Variants in PRKCG observed in about 807,000 individuals in gnomAD.
PRKCG encodes protein kinase C gamma, also known as protein kinase C gamma type.
Under a neutral mutation model 82.0 loss-of-function variants are expected in PRKCG, and 28 were observed. That is an observed-to-expected ratio of 0.34 (90% confidence interval 0.25 to 0.47). The LOEUF (loss-of-function observed/expected upper bound fraction) is 0.47. Among genes scored for constraint, PRKCG ranks in the 20% least tolerant of loss-of-function variants. The pLI, the probability that PRKCG is intolerant of heterozygous loss-of-function variation, is 1.00. For synonymous variants in PRKCG, 383 were observed against 376.6 expected (o/e 1.02, Z -0.20); for missense variants, 640 against 952.7 (o/e 0.67, Z 4.32).
chr19:53,901,863 AAAAG>A (rs1042886463), intron 14 of PRKCG, among the ~76,000 whole-genome samples: 4 of 150,464 alleles, frequency 2.7e-5, no homozygotes, highest in African/African-American at 7.4e-5. Context: ...AAAAAAAAAA[AAAAG>A]AAAAAGAAAA....
rs2068806354 is a variant in PRKCG at position 53,906,084 on chromosome 19, C to CCTTCTTCTTCTTCCTCTTCTT, written c.1765-220_1765-219insCTCTTCTTCTTCTTCTTCTTC. On this transcript the variant is annotated intron_variant, in intron 16 of 17. Transcript: ENST00000263431. ...TCCTCCTCCTCCTCCTCCTCCTCCT[C>CCTTCTTCTTCTTCCTCTTCTT]CTTCTTCTTCTTCTTCTTCTTCTTC... is the stretch of plus-strand genomic sequence containing the variant. Among the ~76,000 whole-genome samples, 8 of 27,988 alleles carry CCTTCTTCTTCTTCCTCTTCTT rather than the reference C, an allele frequency of 2.9e-4. 1 individual carries two copies. The highest frequency in any genetic ancestry group is 1.8e-3 in the African/African-American group (5 of 2,724). The allele number at this position is 27,988 out of a possible 152,430, so 18.4% of individuals were successfully genotyped here.
Position 53,882,216 on chromosome 19 carries a change from A to C in PRKCG, c.-279A>C. On this transcript the variant is annotated 5_prime_UTR_variant, in exon 1 of 18. Transcript: ENST00000263431. This position sits in a 1 kb window ranked among gnomAD's most constrained non-coding sequence, Gnocchi z 6.1. ...GCTCCCACATTTCAGCAGGTGCCGG[A>C]GCTGGAGCTCCCACCGCCGCCGCCC... The C allele has an allele frequency of 2.1e-6, 1 of 484,756 alleles. No homozygotes were observed. The highest frequency in any genetic ancestry group is 1.9e-5 in the South Asian group (1 of 52,900). 30.0% of individuals were successfully genotyped at this position (484,756 alleles called of 1,614,324 possible). A position where few individuals can be genotyped will look rare whatever the true frequency, so the allele number is the denominator to read the frequency against.
At chr19:53,891,198 G>A (rs1453518171) in intron 5 of PRKCG, among the ~76,000 whole-genome samples, 1 of 152,136 alleles carries the variant, frequency 6.6e-6, no homozygotes, top group African/African-American at 2.4e-5. Context: ...GTCACTGGTT[G>A]CGGAAAGGGC....
chr19:53,882,402 C>A lies in PRKCG; in HGVS notation c.-93C>A. 6.5e-7 allele frequency: 1 copy of A among 1,532,226 alleles called. No individual in the cohort carries two copies. The highest frequency in any genetic ancestry group is 8.8e-7 in the Non-Finnish European group (1 of 1,132,898). 94.9% of individuals were successfully genotyped at this position (1,532,226 alleles called of 1,614,324 possible). On this transcript the variant is annotated 5_prime_UTR_variant, in exon 1 of 18. Transcript: ENST00000263431. The surrounding 1 kb of genome is among the most constrained non-coding windows in gnomAD (Gnocchi z 6.1). The stretch of plus-strand genomic sequence containing the variant: ...TGCCCACCTCGGAATTTCCCTGTGG[C>A]TCCTTTGATCCTTCGAGTCTCCAGC...
chr19:53,886,197 C>G (rs555084918), intron 3 of PRKCG, among the ~76,000 whole-genome samples: 227 of 151,742 alleles, frequency 1.5e-3, no homozygotes, highest in Non-Finnish European at 2.6e-3. Context: ...CTCTACCTCC[C>G]AGGTTCAAGC....
chr19:53,895,543 C>T (rs915584877), intron 9 of PRKCG, among the ~76,000 whole-genome samples: 3 of 143,540 alleles, frequency 2.1e-5, no homozygotes, highest in Admixed American at 6.8e-5. Flanking sequence ...ACAACAGCAA[C>T]AACATGTTAT....
intron 9 of PRKCG, among the ~76,000 whole-genome samples, chr19:53,896,045 G>A (rs960937792): frequency 3.3e-5 from 5 of 149,748 alleles, no homozygotes; most frequent in Non-Finnish European, 7.4e-5. Context: ...GGGTGACAGA[G>A]CGAGACTCTA....
chr19:53,904,984 G>A (rs1423211400), intron 16 of PRKCG, among the ~76,000 whole-genome samples: 1 of 152,178 alleles, frequency 6.6e-6, no homozygotes, highest in Non-Finnish European at 1.5e-5. Context: ...CCTGCTTGCA[G>A]GAAGTGCTGA....
chr19:53,907,136 T>G lies in PRKCG; in HGVS notation c.*241T>G. 7.8e-6 allele frequency: 7 copies of G among 892,198 alleles called. No homozygotes were observed. The highest frequency in any genetic ancestry group is 9.9e-6 in the Non-Finnish European group (6 of 604,790). The allele number at this position is 892,198 out of a possible 1,614,324, so 55.3% of individuals were successfully genotyped here. A position where few individuals can be genotyped will look rare whatever the true frequency, so the allele number is the denominator to read the frequency against. On this transcript the variant is annotated 3_prime_UTR_variant, in exon 18 of 18. Transcript: ENST00000263431. The stretch of plus-strand genomic sequence containing the variant: ...CGGAGCCCGATATTCTCCCTGACCT[T>G]AGCGTTCTGGACTCTGCCCCAATCG...
rs1030812636 is a variant in PRKCG at position 53,882,859 on chromosome 19, G to A, written c.170+195G>A. 1.3e-5 allele frequency among the ~76,000 whole-genome samples: 2 copies of A among 151,994 alleles called. No homozygotes were observed. The highest frequency in any genetic ancestry group is 4.8e-5 in the African/African-American group (2 of 41,378). ...GGCTGGTTCCTGGAGTGCTGGGTCCGAGGGAGGAGGAGGCTGGAGGACAGA... is the reference window on the plus strand; with the variant it reads ...GGCTGGTTCCTGGAGTGCTGGGTCCAAGGGAGGAGGAGGCTGGAGGACAGA... On this transcript the variant is annotated intron_variant, in intron 1 of 17. Coordinates refer to ENST00000263431, the MANE Select transcript of PRKCG (RefSeq NM_002739.5). The surrounding 1 kb of genome is among the most constrained non-coding windows in gnomAD (Gnocchi z 6.1).
intron 3 of PRKCG, among the ~76,000 whole-genome samples, chr19:53,885,374 G>A (rs940348382): frequency 1.1e-4 from 16 of 152,066 alleles, no homozygotes; most frequent in Non-Finnish European, 1.9e-4. Flanking sequence ...GACTACAGGC[G>A]CATGCCACCA....
chr19:53,901,407 G>C (rs1253127476), intron 14 of PRKCG, among the ~76,000 whole-genome samples: 1 of 152,026 alleles, frequency 6.6e-6, no homozygotes, highest in Non-Finnish European at 1.5e-5. Context: ...AGCCGGGCGT[G>C]GTGGCATGCG....
intron 9 of PRKCG, among the ~76,000 whole-genome samples, chr19:53,894,227 G>A (rs1191118885): frequency 3.0e-4 from 46 of 151,740 alleles, no homozygotes; most frequent in African/African-American, 1.0e-3. Context: ...CACCATGCCC[G>A]GCTAATTTTT....
At chr19:53,890,059 G>T in intron 5 of PRKCG, 42 bp downstream of exon 5, 1 of 1,537,498 alleles carries the variant, frequency 6.5e-7, no homozygotes, top group Non-Finnish European at 8.7e-7. Flanking sequence ...CCCTCCCCAA[G>T]TGTGAGGCGG....
chr19:53,891,757 C>T lies in PRKCG; in HGVS notation c.613C>T (p.Arg205Trp), dbSNP rs367543208. ...GAAACTGAAGCTCATCCCAGACCCT[C>T]GGAACCTGACGAAACAGAAGACCCG... ...YVKLKLIPDP[R>W]NLTKQKTRTV... The change falls in exon 6 of 18, where the codon CGG becomes TGG. Residue 205 changes from arginine (R) to tryptophan (W), a missense_variant. Physicochemically the swap from Arg to Trp is moderately radical, Grantham distance 101 (BLOSUM62 -3). Transcript: ENST00000263431. The T allele has an allele frequency of 3.7e-6, 6 of 1,613,990 alleles. No homozygotes were observed. In the African/African-American group the frequency reaches 5.3e-5, roughly 14 times the overall value.
At chr19:53,891,299 C>T (rs541334797) in intron 5 of PRKCG, among the ~76,000 whole-genome samples, 7 of 145,402 alleles carry the variant, frequency 4.8e-5, no homozygotes, top group Admixed American at 3.4e-4. Context: ...TTTTTTGAGA[C>T]GGAGTCTCGC....
intron 14 of PRKCG, among the ~76,000 whole-genome samples, chr19:53,901,405 G>A (rs767319976): frequency 3.9e-5 from 6 of 152,058 alleles, no homozygotes; most frequent in South Asian, 2.1e-4. Flanking sequence ...TTAGCCGGGC[G>A]TGGTGGCATG....
Position 53,889,949 on chromosome 19 carries a change from A to G in PRKCG, c.461A>G (p.His154Arg). 2 of 1,578,580 alleles carry G rather than the reference A, an allele frequency of 1.3e-6. No individual in the cohort carries two copies. The highest frequency in any genetic ancestry group is 1.7e-6 in the Non-Finnish European group (2 of 1,163,568). ...RSVPSLCGVDHTERRGRLQLE... is the reference protein window; with the variant it reads ...RSVPSLCGVDRTERRGRLQLE... The stretch of plus-strand genomic sequence containing the variant: ...GTGCCCTCCCTGTGCGGTGTGGACC[A>G]CACCGAGCGCCGCGGGCGCCTGCAG... The change falls in exon 5 of 18, where the codon CAC becomes CGC. Residue 154 changes from histidine to arginine, a missense_variant. Physicochemically the swap from His to Arg is conservative, Grantham distance 29. Transcript: ENST00000263431. This position sits in a 1 kb window ranked among gnomAD's most constrained non-coding sequence, Gnocchi z 4.4.
Position 53,882,360 on chromosome 19 carries a change from G to A in PRKCG, c.-135G>A, listed in dbSNP as rs780012764. Reference sequence around the variant, plus strand: ...TGCCTGGCGCGCTCCGCACCTGGAGGTGCCTTGCCCCTCTCCTGCCCACCT... The same window carrying A: ...TGCCTGGCGCGCTCCGCACCTGGAGATGCCTTGCCCCTCTCCTGCCCACCT... On this transcript the variant is annotated 5_prime_UTR_variant, in exon 1 of 18. The change creates a new upstream start codon in the 5' untranslated region. Transcript: ENST00000263431. This position sits in a 1 kb window ranked among gnomAD's most constrained non-coding sequence, Gnocchi z 6.1. 7.5e-7 allele frequency: 1 copy of A among 1,326,624 alleles called. No homozygotes were observed. Among genetic ancestry groups the A allele is most frequent in the Non-Finnish European group, 1.0e-6 (1 of 962,362 alleles). The allele number at this position is 1,326,624 out of a possible 1,614,324, so 82.2% of individuals were successfully genotyped here. A position where few individuals can be genotyped will look rare whatever the true frequency, so the allele number is the denominator to read the frequency against.
Sources: allele counts gnomAD v4.1 joint callset (sites outside exome capture counted in the v4.1 genomes callset), GRCh38; gene constraint gnomAD v4.1.1; non-coding constraint Gnocchi (gnomAD v3.1); transcripts MANE v1.5; gene names NCBI Gene and HGNC (gene_info 2026-07-23, HGNC 2026-07-21).